The following GRM7 variants were observed in gnomAD, a reference collection of about 807,000 sequenced individuals.
GRM7 encodes the protein glutamate metabotropic receptor 7.
Under a neutral mutation model 84.5 loss-of-function variants are expected in GRM7, and 35 were observed. The ratio of observed to expected loss-of-function variants is 0.41; its 90% CI spans 0.32 to 0.55. GRM7 has a LOEUF of 0.55. Ranked by LOEUF, GRM7 falls within the 20% of genes least tolerant of loss-of-function variation. GRM7 has a pLI of 0.19. For synonymous variants in GRM7, 487 were observed against 455.1 expected (o/e 1.07, Z -0.89); for missense variants, 1,003 against 1,194.6 (o/e 0.84, Z 2.36).
rs78974681 is a variant in GRM7, at chr3:6,876,387, C to T, written c.519+14480C>T. Among the ~76,000 whole-genome samples the T allele has an allele frequency of 5.5e-3, 840 of 152,144 alleles. 5 individuals carry two copies. The highest frequency in any genetic ancestry group is 0.019 in the African/African-American group (801 of 41,510). On this transcript the variant is annotated intron_variant, in intron 1 of 9. Transcript: ENST00000357716. ...TATTAGCTAATGCCTTGAGTGCTTG[C>T]TGGGTGTAAGAAACTTTGCTGGCTG...
intron 7 of GRM7, among the ~76,000 whole-genome samples, chr3:7,531,345 A>G (rs1701028582): frequency 6.6e-6 from 1 of 151,974 alleles, no homozygotes; most frequent in Non-Finnish European, 1.5e-5. Context: ...GGGTTACTGT[A>G]GCCTTGTAGT....
At chr3:6,878,820 C>A (rs1004477573) in intron 1 of GRM7, among the ~76,000 whole-genome samples, 1 of 152,198 alleles carries the variant, frequency 6.6e-6, no homozygotes, top group African/African-American at 2.4e-5. Context: ...TGCATCAGAT[C>A]TGCCTGAAAG....
intron 2 of GRM7, among the ~76,000 whole-genome samples, chr3:7,182,902 T>G (rs1420227303): frequency 2.0e-5 from 3 of 151,430 alleles, no homozygotes; most frequent in Admixed American, 6.6e-5. Flanking sequence ...AAGTGTTTTT[T>G]TTTTTTTTTT....
chr3:7,053,690 T>C (rs1697097164), intron 1 of GRM7, among the ~76,000 whole-genome samples: 1 of 151,662 alleles, frequency 6.6e-6, no homozygotes, highest in African/African-American at 2.4e-5. Context: ...GAAGGCTTTT[T>C]TTTTCTACCA....
chr3:7,041,697 G>T (rs1192093476), intron 1 of GRM7, among the ~76,000 whole-genome samples: 1 of 152,182 alleles, frequency 6.6e-6, no homozygotes, highest in East Asian at 1.9e-4. Flanking sequence ...CTTCCTCCCT[G>T]TTTCCTGGAA....
chr3:6,969,267 A>G (rs1409979793), intron 1 of GRM7, among the ~76,000 whole-genome samples: 5 of 152,178 alleles, frequency 3.3e-5, no homozygotes, highest in Non-Finnish European at 7.3e-5. Flanking sequence ...CCTGACTAAT[A>G]TAGGTCATTT....
At chr3:7,670,494 A>G (rs891499461) in intron 8 of GRM7, among the ~76,000 whole-genome samples, 9 of 152,198 alleles carry the variant, frequency 5.9e-5, no homozygotes, top group African/African-American at 1.7e-4. Flanking sequence ...CTTGTCGATG[A>G]CACTGTTGGA....
intron 9 of GRM7, chr3:7,686,458 C>G (rs372210639): frequency 7.7e-6 from 9 of 1,174,564 alleles, no homozygotes; most frequent in Non-Finnish European, 1.0e-5. Flanking sequence ...GGTAAGAAAA[C>G]AATCTAATTC....
chr3:7,509,032 T>G (rs1700118166), intron 7 of GRM7, among the ~76,000 whole-genome samples: 1 of 152,168 alleles, frequency 6.6e-6, no homozygotes, highest in Non-Finnish European at 1.5e-5. Context: ...GCACATATTC[T>G]GAATATTATG....
chr3:7,032,912 C>A lies in GRM7; in HGVS notation c.520-113540C>A, dbSNP rs1439531071. Among the ~76,000 whole-genome samples the A allele has an allele frequency of 1.3e-5, 2 of 152,142 alleles. 1 individual carries two copies. The highest frequency in any genetic ancestry group is 2.9e-5 in the Non-Finnish European group (2 of 68,010). On this transcript the variant is annotated intron_variant, in intron 1 of 9. Transcript: ENST00000357716. The stretch of plus-strand genomic sequence containing the variant: ...AGCCTTTCTAATGTCCTTTAACTTA[C>A]CCCCTTCTATGGTTTATTAGTTCTC...
At chr3:6,969,560 G>C (rs1484244761) in intron 1 of GRM7, among the ~76,000 whole-genome samples, 2 of 152,148 alleles carry the variant, frequency 1.3e-5, no homozygotes, top group Non-Finnish European at 2.9e-5. Context: ...GCTCTGTCAG[G>C]TTCCAAAATC....
intron 8 of GRM7, among the ~76,000 whole-genome samples, chr3:7,650,900 GAA>G (rs1698904771): frequency 6.6e-6 from 1 of 152,134 alleles, no homozygotes; most frequent in South Asian, 2.1e-4. Flanking sequence ...TTCTAAAAAA[GAA>G]AGAGTCAGAG....
Position 6,863,102 on chromosome 3 carries a change from C to T in GRM7, c.519+1195C>T. On this transcript the variant is annotated intron_variant, in intron 1 of 9. Transcript: ENST00000357716. This position sits in a 1 kb window ranked among gnomAD's most constrained non-coding sequence, Gnocchi z 4.8. ...TTTCCCTATATGTGCATCACTCTCT[C>T]TTTCTGTCTCTGTCTCCTTGCTGTT... is the stretch of plus-strand genomic sequence containing the variant. The T allele has an allele frequency of 5.2e-6, 2 of 383,644 alleles. No homozygotes were observed. Among genetic ancestry groups the T allele is most frequent in the Non-Finnish European group, 5.1e-6 (1 of 194,692 alleles). 23.8% of individuals were successfully genotyped at this position (383,644 alleles called of 1,614,324 possible). A position where few individuals can be genotyped will look rare whatever the true frequency, so the allele number is the denominator to read the frequency against.
In GRM7 at chr3:7,613,143, T is replaced by C. The variant is rs573250334; in HGVS notation, c.2451+33786T>C. Among the ~76,000 whole-genome samples, 22 of 152,284 alleles carry C rather than the reference T, an allele frequency of 1.4e-4. No homozygotes were observed. The South Asian group carries it at 2.3e-3, about 16-fold the overall frequency. Reference sequence around the variant, plus strand: ...AACACTTTTCATGAGTTAAGTTAAATTCTACTTGTCTCACTTAGTCTCAAT... The same window carrying C: ...AACACTTTTCATGAGTTAAGTTAAACTCTACTTGTCTCACTTAGTCTCAAT... On this transcript the variant is annotated intron_variant, in intron 8 of 9. Coordinates refer to ENST00000357716, the MANE Select transcript of GRM7 (RefSeq NM_000844.4).
chr3:7,311,150 T>A (rs550944111), intron 4 of GRM7, among the ~76,000 whole-genome samples: 10 of 152,260 alleles, frequency 6.6e-5, no homozygotes, highest in Middle Eastern at 3.4e-3. Context: ...AAAATCTTTT[T>A]AAAAAAGATA....
intron 1 of GRM7, among the ~76,000 whole-genome samples, chr3:6,904,293 C>A (rs1047812145): frequency 2.6e-5 from 4 of 152,062 alleles, no homozygotes; most frequent in Non-Finnish European, 4.4e-5. Flanking sequence ...GTTTCAGACA[C>A]TGTGCAGGAT....
At chr3:7,155,808 G>A (rs1274162246) in intron 2 of GRM7, among the ~76,000 whole-genome samples, 1 of 152,094 alleles carries the variant, frequency 6.6e-6, no homozygotes, top group Non-Finnish European at 1.5e-5. Context: ...ATATCCGGCA[G>A]TAATAGTAGC....
intron 2 of GRM7, among the ~76,000 whole-genome samples, chr3:7,254,059 G>A (rs544853524): frequency 6.6e-6 from 1 of 152,218 alleles, no homozygotes; most frequent in East Asian, 1.9e-4. Flanking sequence ...GAGAGGTAGG[G>A]TATCTTCTTT....
At chr3:7,190,680 C>T (rs1042832820) in intron 2 of GRM7, among the ~76,000 whole-genome samples, 1 of 152,062 alleles carries the variant, frequency 6.6e-6, no homozygotes, top group Non-Finnish European at 1.5e-5. Flanking sequence ...TTGGGACTGT[C>T]CTTCCTACAA....
Sources: gnomAD v4.1 joint callset for allele counts (sites outside exome capture counted in the v4.1 genomes callset) on GRCh38, gnomAD v4.1.1 for gene constraint, Gnocchi (gnomAD v3.1) non-coding constraint, MANE v1.5 for transcripts, NCBI Gene and HGNC (gene_info 2026-07-23, HGNC 2026-07-21) for gene names.